The following LRP2 variants were observed in gnomAD, a reference collection of about 807,000 sequenced individuals.
The protein encoded by LRP2 is low-density lipoprotein receptor-related protein 2.
Under a neutral mutation model 531.0 loss-of-function variants are expected in LRP2, and 172 were observed. The observed-to-expected ratio is 0.32, with a 90% CI of 0.29 to 0.37. The LOEUF is 0.37. Ranked by LOEUF, LRP2 falls within the 10% of genes least tolerant of loss-of-function variation. The probability of loss-of-function intolerance (pLI) is 1.00; values close to 1 mark genes in which losing one functional copy is unlikely to be tolerated. For missense variants in LRP2, 5,167 were observed against 5,868.3 expected (o/e 0.88, Z 3.90); for synonymous variants, 1,992 against 2,027.6 (o/e 0.98, Z 0.47).
At position 169,132,602 on chromosome 2, in the gene LRP2, G is replaced by C. The variant is rs752366392; in HGVS notation, c.13700C>G (p.Pro4567Arg). ...AGTTCCATCAGCAGCTGGTGAAGTT[G>C]GGTTTGTCTCTGGAACTATCTCAGA... ...NPSEIVPETNPTSPAADGTQV... is the reference protein window; with the variant it reads ...NPSEIVPETNRTSPAADGTQV... Residue 4567 changes from proline to arginine, a missense_variant, in exon 77 of 79, where the codon CCA (proline) becomes CGA (arginine). Physicochemically the swap from Pro to Arg is moderately radical, Grantham distance 103. This residue lies in a region of LRP2 where 348 missense variants were observed against 369.3 expected (regional missense o/e 0.94). Transcript: ENST00000649046. The C allele has an allele frequency of 4.4e-6, 7 of 1,609,156 alleles. No individual in the cohort carries two copies. In the South Asian group the frequency reaches 7.7e-5, roughly 18 times the overall value.
chr2:169,241,931 C>A (rs1397238612), intron 24 of LRP2, among the ~76,000 whole-genome samples: 1 of 152,138 alleles, frequency 6.6e-6, no homozygotes, highest in Admixed American at 6.5e-5. Context: ...GAACTGCTTC[C>A]CTATTTGACA....
At chr2:169,137,895 T>C (rs1685577343) in intron 75 of LRP2, among the ~76,000 whole-genome samples, 1 of 151,964 alleles carries the variant, frequency 6.6e-6, no homozygotes, top group South Asian at 2.1e-4. Context: ...TATAATATTC[T>C]CAGGGAAGGA....
chr2:169,198,139 C>A (rs1390105251), intron 45 of LRP2, among the ~76,000 whole-genome samples: 1 of 152,152 alleles, frequency 6.6e-6, no homozygotes, highest in Non-Finnish European at 1.5e-5. Flanking sequence ...ACTGGTCAGG[C>A]ACGGTGGCTC....
At chr2:169,231,926 C>T in intron 30 of LRP2, 84 bp from the exon 31 acceptor site, 1 of 1,528,124 alleles carries the variant, frequency 6.5e-7, no homozygotes, top group Non-Finnish European at 8.9e-7. Flanking sequence ...TAGTGTCCTT[C>T]CAGAGGCCCC....
intron 3 of LRP2, among the ~76,000 whole-genome samples, chr2:169,310,614 T>C (rs934141635): frequency 6.6e-6 from 1 of 152,260 alleles, no homozygotes; most frequent in African/African-American, 2.4e-5. Flanking sequence ...AGTATTTCAC[T>C]GAAGATTTTT....
rs1271111484 is a variant in LRP2 at position 169,213,691 on chromosome 2, T to G, written c.6006A>C (p.Pro2002=). The G allele has an allele frequency of 1.9e-6, 3 of 1,613,526 alleles. No homozygotes were observed. The South Asian group carries it at 3.3e-5, about 18-fold the overall frequency. The change falls in exon 36 of 79, where the codon CCA becomes CCC. Residue 2002 remains proline, a synonymous_variant. Transcript: ENST00000649046. ...GATAAACTTGAAGACCCCTCAGATT[T>G]GGAACATTATCTCTCAAGACTATTT... ...ANKIVLRDNV[P]NLRGLQVYHR...
Position 169,241,381 on chromosome 2 carries a change from G to T in LRP2, c.3668-16C>A, listed in dbSNP as rs1689799128. On this transcript the variant is annotated splice_polypyrimidine_tract_variant and intron_variant, in intron 24 of 78. Coordinates refer to ENST00000649046, the MANE Select transcript of LRP2 (RefSeq NM_004525.3). Reference sequence around the variant, plus strand: ...GGCCTGGTTGCTAGAAGGAAAACATGGGGTAAATCGGCTTGTGAATGTAAT... The same window carrying T: ...GGCCTGGTTGCTAGAAGGAAAACATTGGGTAAATCGGCTTGTGAATGTAAT... 4.3e-6 allele frequency: 7 copies of T among 1,613,550 alleles called. No individual in the cohort carries two copies. In the South Asian group the frequency reaches 7.7e-5, roughly 18 times the overall value.
chr2:169,277,266 G>C (rs752597084), intron 13 of LRP2, among the ~76,000 whole-genome samples: 1 of 151,498 alleles, frequency 6.6e-6, no homozygotes, highest in Non-Finnish European at 1.5e-5. Context: ...TGTATACCAG[G>C]TAAAAATACA....
intron 22 of LRP2, among the ~76,000 whole-genome samples, chr2:169,244,437 A>C (rs967439789): frequency 2.6e-5 from 4 of 152,190 alleles, no homozygotes; most frequent in Admixed American, 2.0e-4. Context: ...ATCTGAATTG[A>C]AATGTTTGGC....
intron 16 of LRP2, among the ~76,000 whole-genome samples, chr2:169,262,904 A>G (rs1206159555): frequency 1.3e-5 from 2 of 152,176 alleles, no homozygotes; most frequent in African/African-American, 4.8e-5. Flanking sequence ...ACAGATATAG[A>G]CCAATGGAAC....
At chr2:169,269,289 T>C (rs956229041) in intron 16 of LRP2, among the ~76,000 whole-genome samples, 11 of 152,300 alleles carry the variant, frequency 7.2e-5, no homozygotes, top group Admixed American at 1.3e-4. Flanking sequence ...AGAGCCTGCA[T>C]TGCCAAGACA....
intron 8 of LRP2, 33 bp downstream of exon 8, chr2:169,290,812 C>T (rs754024785): frequency 5.0e-6 from 8 of 1,610,194 alleles, no homozygotes; most frequent in Non-Finnish European, 6.8e-6. Context: ...ATATCTTTAT[C>T]TGAAAGCTAC....
At chr2:169,229,972 T>C (rs992160726) in intron 31 of LRP2, among the ~76,000 whole-genome samples, 6 of 152,232 alleles carry the variant, frequency 3.9e-5, no homozygotes, top group African/African-American at 7.2e-5. Context: ...AAACCTTTTT[T>C]CATTTAACAT....
At chr2:169,188,405 C>T (rs897868522) in intron 48 of LRP2, 140 bp from the exon 49 acceptor site, 2 of 801,358 alleles carry the variant, frequency 2.5e-6, no homozygotes, top group Non-Finnish European at 4.2e-6. Flanking sequence ...GTCCTTGATC[C>T]CCTTTCCCCC....
chr2:169,297,968 G>T (rs1355902936), intron 4 of LRP2, among the ~76,000 whole-genome samples: 1 of 134,856 alleles, frequency 7.4e-6, no homozygotes, highest in Admixed American at 8.3e-5. Flanking sequence ...AGCCAAGATT[G>T]GGAAACACAC....
chr2:169,362,006 C>G (rs189894001), intron 1 of LRP2, among the ~76,000 whole-genome samples: 313 of 152,376 alleles, frequency 2.1e-3, no homozygotes, highest in Non-Finnish European at 3.3e-3. Context: ...ACCTCGTTCT[C>G]CCGCAAAGTG....
intron 48 of LRP2, among the ~76,000 whole-genome samples, chr2:169,189,920 A>G (rs1192196962): frequency 6.6e-6 from 1 of 152,182 alleles, no homozygotes. Flanking sequence ...CGAACAAAGA[A>G]AGGGAGAGAG....
At chr2:169,358,482 T>C (rs1023667105) in intron 1 of LRP2, among the ~76,000 whole-genome samples, 3 of 152,130 alleles carry the variant, frequency 2.0e-5, no homozygotes, top group African/African-American at 7.2e-5. Flanking sequence ...TTATGAAGAC[T>C]GGTAAAGAGA....
intron 19 of LRP2, among the ~76,000 whole-genome samples, chr2:169,254,839 A>G (rs1690239096): frequency 6.6e-6 from 1 of 152,108 alleles, no homozygotes; most frequent in South Asian, 2.1e-4. Context: ...TAATGTTTCT[A>G]TGTGACAGCA....
Sources: allele counts gnomAD v4.1 joint callset (sites outside exome capture counted in the v4.1 genomes callset), GRCh38; gene constraint gnomAD v4.1.1; regional missense constraint gnomAD v4.1.1; transcripts MANE v1.5; gene names NCBI Gene and HGNC (gene_info 2026-07-23, HGNC 2026-07-21).